SYT6: variants seen among roughly 807,000 people sequenced by gnomAD.
SYT6 encodes the protein synaptotagmin 6, also known as synaptotagmin-6.
Under a neutral mutation model 38.4 loss-of-function variants are expected in SYT6, and 24 were observed. The observed-to-expected ratio is 0.62, with a 90% CI of 0.45 to 0.88. SYT6 has a LOEUF of 0.88. Among genes scored for constraint, SYT6 ranks in the 40% least tolerant of loss-of-function variants. The pLI is 0.00. For missense variants in SYT6, 611 were observed against 621.0 expected (o/e 0.98, Z 0.17); for synonymous variants, 265 against 241.9 (o/e 1.10, Z -0.89).
intron 6 of SYT6, among the ~76,000 whole-genome samples, chr1:114,095,548 C>T (rs79043505): frequency 0.024 from 3,669 of 152,296 alleles, 138 homozygotes; most frequent in African/African-American, 0.083. Context: ...GATGGGGGCT[C>T]ACGGGCCCAG....
At chr1:114,138,096 T>C (rs1678619305) in intron 2 of SYT6, 43 bp from the exon 3 acceptor site, 1 of 1,568,542 alleles carries the variant, frequency 6.4e-7, no homozygotes, top group African/African-American at 1.4e-5. Flanking sequence ...TGGTCAGGGC[T>C]CAGGGGAAGG....
intron 4 of SYT6, among the ~76,000 whole-genome samples, chr1:114,102,347 G>A (rs1266136456): frequency 6.6e-6 from 1 of 152,184 alleles, no homozygotes; most frequent in African/African-American, 2.4e-5. Context: ...GGGTAGCTCT[G>A]AGGGACTCAG....
chr1:114,107,207 G>A (rs1271479462), intron 3 of SYT6, among the ~76,000 whole-genome samples: 3 of 152,216 alleles, frequency 2.0e-5, no homozygotes, highest in Non-Finnish European at 4.4e-5. Context: ...GCTTGCCTGG[G>A]GATATGAGGG....
At chr1:114,097,002 A>T (rs937053510) in intron 6 of SYT6, among the ~76,000 whole-genome samples, 2 of 152,178 alleles carry the variant, frequency 1.3e-5, no homozygotes, top group African/African-American at 4.8e-5. Flanking sequence ...GATTCAGCGG[A>T]GGGTGGAGAA....
rs1182814438 is a variant in SYT6 at position 114,091,958 on chromosome 1, C to T, written c.*176G>A. ...GCACAACACTGTTTAGACGGTTGAACAAGTGCAAAGAGAACATTGCTGAGT... is the reference window on the plus strand; with the variant it reads ...GCACAACACTGTTTAGACGGTTGAATAAGTGCAAAGAGAACATTGCTGAGT... On this transcript the variant is annotated 3_prime_UTR_variant, in exon 8 of 8. Coordinates refer to ENST00000610222, the MANE Select transcript of SYT6 (RefSeq NM_001253772.2). The T allele has an allele frequency of 1.3e-5, 19 of 1,519,854 alleles. No homozygotes were observed. Among genetic ancestry groups the T allele is most frequent in the Non-Finnish European group, 1.7e-5 (19 of 1,132,216 alleles). 94.1% of individuals were successfully genotyped at this position (1,519,854 alleles called of 1,614,324 possible). A position where few individuals can be genotyped will look rare whatever the true frequency, so the allele number is the denominator to read the frequency against.
At chr1:114,113,149 A>T (rs1315887839) in intron 3 of SYT6, among the ~76,000 whole-genome samples, 1 of 151,964 alleles carries the variant, frequency 6.6e-6, no homozygotes, top group East Asian at 1.9e-4. Flanking sequence ...TGCTCCCCAC[A>T]CTCCAGAATC....
intron 3 of SYT6, among the ~76,000 whole-genome samples, chr1:114,114,306 C>A (rs1383733106): frequency 6.6e-6 from 1 of 152,236 alleles, no homozygotes; most frequent in Admixed American, 6.5e-5. Flanking sequence ...TAATCTCAAC[C>A]TCATATTTTA....
chr1:114,121,667 A>G (rs936695987), intron 3 of SYT6, among the ~76,000 whole-genome samples: 2 of 152,210 alleles, frequency 1.3e-5, no homozygotes, highest in Non-Finnish European at 2.9e-5. Context: ...TGTAAGGAAA[A>G]TGATATCAGT....
chr1:114,098,963 G>A, intron 5 of SYT6, 131 bp downstream of exon 5: 2 of 894,638 alleles, frequency 2.2e-6, no homozygotes, highest in South Asian at 2.1e-5. Flanking sequence ...CCCTTCTTGG[G>A]TACAGATAGA....
At chr1:114,119,477 C>T (rs944055276) in intron 3 of SYT6, among the ~76,000 whole-genome samples, 1 of 152,230 alleles carries the variant, frequency 6.6e-6, no homozygotes, top group Admixed American at 6.5e-5. Flanking sequence ...TGCCGATGGG[C>T]ACTTGGCTGA....
chr1:114,108,453 A>C (rs902678333), intron 3 of SYT6, among the ~76,000 whole-genome samples: 1 of 152,156 alleles, frequency 6.6e-6, no homozygotes, highest in Admixed American at 6.5e-5. Context: ...CTCTACCCCC[A>C]GTTAGCTGTG....
intron 3 of SYT6, among the ~76,000 whole-genome samples, chr1:114,136,164 T>C (rs537478): frequency 0.47 from 70,780 of 151,996 alleles, 16,488 homozygotes; most frequent in African/African-American, 0.48. Flanking sequence ...CTTCCTGGGG[T>C]GTAAGCAGAG....
intron 7 of SYT6, 36 bp downstream of exon 7, chr1:114,093,699 C>A: frequency 6.3e-7 from 1 of 1,593,902 alleles, no homozygotes. Flanking sequence ...AGGTAATAAG[C>A]AACCTAACGT....
At position 114,139,849 on chromosome 1, in the gene SYT6, G is replaced by A. The variant is rs772472114; in HGVS notation, c.278C>T (p.Ala93Val). 1.9e-6 allele frequency: 3 copies of A among 1,586,328 alleles called. No individual in the cohort carries two copies. The South Asian group carries it at 3.5e-5, about 18-fold the overall frequency. Residue 93 changes from alanine to valine, a missense_variant, in exon 2 of 8, where the codon GCC becomes GTC. Ala to Val is a moderately conservative substitution (Grantham distance 64). Transcript: ENST00000610222. Reference sequence around the variant, plus strand: ...GGGATTAGCAGAAGAGGGACTGGAGGCCTCCTTGTTCCTCCAGGGCATCCA... The same window carrying A: ...GGGATTAGCAGAAGAGGGACTGGAGACCTCCTTGTTCCTCCAGGGCATCCA... ...LCWMPWRNKE[A>V]SSPSSANPPL...
intron 1 of SYT6, among the ~76,000 whole-genome samples, chr1:114,153,189 G>T (rs1429801392): frequency 1.3e-5 from 2 of 152,226 alleles, no homozygotes; most frequent in Admixed American, 6.5e-5. Context: ...GCACGGACCC[G>T]GGGACCTCGA....
intron 1 of SYT6, among the ~76,000 whole-genome samples, chr1:114,148,333 G>A (rs147178703): frequency 3.3e-5 from 5 of 152,314 alleles, no homozygotes; most frequent in East Asian, 1.9e-4. Context: ...AGTAACAGGC[G>A]TTCTTGCTAA....
chr1:114,095,448 T>C (rs1316579108), intron 6 of SYT6, among the ~76,000 whole-genome samples: 2 of 152,226 alleles, frequency 1.3e-5, no homozygotes, highest in Non-Finnish European at 2.9e-5. Context: ...GCCGCTGCTC[T>C]GTCACTTTCC....
rs1241867065 is a variant in SYT6, at chr1:114,139,704, G to A, written c.423C>T (p.Ile141=). 1 of 1,614,192 alleles carries A rather than the reference G, an allele frequency of 6.2e-7. No homozygotes were observed. Among genetic ancestry groups the A allele is most frequent in the Non-Finnish European group, 8.5e-7 (1 of 1,180,042 alleles). The part of the protein sequence containing the change: ...AVKISHTSPD[I]PAEVQMSVKE... The stretch of plus-strand genomic sequence containing the variant: ...TGACCGACATCTGCACCTCAGCTGG[G>A]ATATCTGGGGACGTGTGGCTGATCT... Residue 141 remains isoleucine (I), a synonymous_variant, in exon 2 of 8, where the codon ATC becomes ATT. Transcript: ENST00000610222.
intron 4 of SYT6, among the ~76,000 whole-genome samples, chr1:114,101,098 G>A (rs144600975): frequency 1.7e-3 from 257 of 152,210 alleles, no homozygotes; most frequent in African/African-American, 6.0e-3. Flanking sequence ...GTTTTGCCCA[G>A]TCTGGTCTTG....
Sources: gnomAD v4.1 joint callset for allele counts (sites outside exome capture counted in the v4.1 genomes callset) on GRCh38, gnomAD v4.1.1 for gene constraint, MANE v1.5 for transcripts, NCBI Gene and HGNC (gene_info 2026-07-23, HGNC 2026-07-21) for gene names.